B4GALT1: variants seen among roughly 807,000 people sequenced by gnomAD.
B4GALT1 encodes N-acetyllactosamine synthase.
A neutral mutation model predicts 34.9 loss-of-function variants in B4GALT1; 16 were observed. That is an observed-to-expected ratio of 0.46 (90% CI 0.31 to 0.70). B4GALT1 has a LOEUF of 0.70. Ranked by LOEUF, B4GALT1 falls within the 30% of genes least tolerant of loss-of-function variation. B4GALT1 has a pLI of 0.05. For synonymous variants in B4GALT1, 221 were observed against 218.1 expected (o/e 1.01, Z -0.12); for missense variants, 445 against 530.5 (o/e 0.84, Z 1.58).
chr9:33,178,836 T>G, the B4GALT1 span: 1 of 152,258 alleles, frequency 6.6e-6, no homozygotes, highest in East Asian at 1.9e-4. Context: ...TAATGCTGCT[T>G]AGCAAATAAC....
rs774489888 is a variant in B4GALT1, at chr9:33,135,359, T to C, written c.478A>G (p.Asn160Asp). 1.1e-5 allele frequency: 18 copies of C among 1,614,140 alleles called. No individual in the cohort carries two copies. In the East Asian group the frequency reaches 3.3e-4, roughly 30 times the overall value. ...DLELVAKQNP[N>D]VKMGGRYAPR... The stretch of plus-strand genomic sequence containing the variant: ...GCATAGCGGCCGCCCATCTTCACAT[T>C]TGGGTTCTGCTTTGCCACGAGCTCC... Residue 160 changes from asparagine (N) to aspartate (D), a missense_variant, in exon 2 of 6, where the codon AAT becomes GAT. Transcript: ENST00000379731.
intron 2 of B4GALT1, among the ~76,000 whole-genome samples, chr9:33,129,946 C>T (rs998264646): frequency 3.9e-5 from 6 of 152,082 alleles, no homozygotes; most frequent in Non-Finnish European, 8.8e-5. Flanking sequence ...TAAGCTTGGG[C>T]CTTCCGACCA....
chr9:33,184,003 C>T, the B4GALT1 span, among the ~76,000 whole-genome samples: 417 of 151,970 alleles, frequency 2.7e-3, 4 homozygotes, highest in Non-Finnish European at 2.3e-3. Context: ...GAACATCACA[C>T]GCTGGGGCCT....
chr9:33,173,628 G>GTGTGTGTGTA, the B4GALT1 span, among the ~76,000 whole-genome samples: 3 of 150,538 alleles, frequency 2.0e-5, no homozygotes, highest in Non-Finnish European at 3.0e-5. Context: ...GTGTGTGTGT[G>GTGTGTGTGTA]TGTATTGTCT....
At position 33,135,196 on chromosome 9, in the gene B4GALT1, A is replaced by G; in HGVS notation, c.641T>C (p.Ile214Thr). 1.2e-6 allele frequency: 2 copies of G among 1,613,886 alleles called. No homozygotes were observed. Among genetic ancestry groups the G allele is most frequent in the Non-Finnish European group, 1.7e-6 (2 of 1,179,900 alleles). Residue 214 changes from isoleucine to threonine, a missense_variant, in exon 2 of 6, where the codon ATC (isoleucine) becomes ACC (threonine). Physicochemically the swap from Ile to Thr is moderately conservative, Grantham distance 89. Around this residue, in one of 3 missense-constraint regions of B4GALT1, gnomAD observed 349 missense variants for 395.5 expected, o/e 0.88. Coordinates refer to ENST00000379731, the MANE Select transcript of B4GALT1 (RefSeq NM_001497.4). ...CACCTTCCCAGGCCTCACCTGGTTG[A>G]TAACATAGATGCCATAGTCCAGCTG... The part of the protein sequence containing the change: ...RQQLDYGIYV[I>T]NQAGDTIFNR...
At chr9:33,155,493 C>A (rs1564052599) in intron 1 of B4GALT1, among the ~76,000 whole-genome samples, 1 of 152,162 alleles carries the variant, frequency 6.6e-6, no homozygotes, top group Non-Finnish European at 1.5e-5. Context: ...GGCCTCTTGC[C>A]CAGGATACTG....
intron 1 of B4GALT1, among the ~76,000 whole-genome samples, chr9:33,143,445 G>A (rs1336888914): frequency 1.3e-5 from 2 of 152,226 alleles, no homozygotes; most frequent in African/African-American, 4.8e-5. Flanking sequence ...AACCTTCAAA[G>A]GCCAAGCACT....
At chr9:33,133,864 G>A (rs1840228942) in intron 2 of B4GALT1, among the ~76,000 whole-genome samples, 2 of 152,272 alleles carry the variant, frequency 1.3e-5, no homozygotes, top group South Asian at 4.1e-4. Flanking sequence ...CAATTTCCAG[G>A]AACATGCAAG....
chr9:33,181,288 G>A, the B4GALT1 span, among the ~76,000 whole-genome samples: 1 of 152,038 alleles, frequency 6.6e-6, no homozygotes, highest in East Asian at 1.9e-4. Context: ...AGGCGTGGTG[G>A]TGGTATGTGT....
the B4GALT1 span, among the ~76,000 whole-genome samples, chr9:33,178,666 C>T: frequency 6.6e-6 from 1 of 152,198 alleles, no homozygotes; most frequent in African/African-American, 2.4e-5. Context: ...ATACCCAAGA[C>T]AGGATATGTC....
At chr9:33,162,143 T>C (rs1840684586) in intron 1 of B4GALT1, among the ~76,000 whole-genome samples, 1 of 152,236 alleles carries the variant, frequency 6.6e-6, no homozygotes, top group Non-Finnish European at 1.5e-5. Flanking sequence ...ATAATCATTA[T>C]AAAGCAGCAA....
In B4GALT1 at chr9:33,167,281, G is replaced by T. The variant is rs886063876; in HGVS notation, c.-112C>A. ...CGGCGACTAGGGGAGGGCCCGGAGC[G>T]GGGGCGGGCGAGCGGCTGAGAGCTG... On this transcript the variant is annotated 5_prime_UTR_variant, in exon 1 of 6. Coordinates refer to ENST00000379731, the MANE Select transcript of B4GALT1 (RefSeq NM_001497.4). 4.4e-4 allele frequency: 584 copies of T among 1,339,110 alleles called. No individual in the cohort carries two copies. Among genetic ancestry groups the T allele is most frequent in the African/African-American group, 1.0e-3 (66 of 64,102 alleles). 83.0% of individuals were successfully genotyped at this position (1,339,110 alleles called of 1,614,324 possible). A position where few individuals can be genotyped will look rare whatever the true frequency, so the allele number is the denominator to read the frequency against.
chr9:33,147,358 C>G (rs1260516330), intron 1 of B4GALT1, among the ~76,000 whole-genome samples: 1 of 151,940 alleles, frequency 6.6e-6, no homozygotes, highest in Non-Finnish European at 1.5e-5. Context: ...AGTGATTCTC[C>G]CGCCTCAGCC....
At chr9:33,176,416 C>T in the B4GALT1 span, among the ~76,000 whole-genome samples, 1 of 152,098 alleles carries the variant, frequency 6.6e-6, no homozygotes, top group Non-Finnish European at 1.5e-5. Context: ...CTGTGAATTA[C>T]AGTGCTGTGA....
downstream of B4GALT1, among the ~76,000 whole-genome samples, chr9:33,106,168 A>G (rs930526539): frequency 3.9e-5 from 6 of 152,164 alleles, no homozygotes; most frequent in African/African-American, 1.4e-4. Flanking sequence ...ATCTTTGCCA[A>G]CACTTATTTT....
At chr9:33,178,310 C>T in the B4GALT1 span, among the ~76,000 whole-genome samples, 1 of 152,018 alleles carries the variant, frequency 6.6e-6, no homozygotes, top group African/African-American at 2.4e-5. Flanking sequence ...CTCTTCAGGC[C>T]AAGGCTCAGA....
At chr9:33,173,591 GGT>G in the B4GALT1 span, among the ~76,000 whole-genome samples, 58,547 of 142,858 alleles carry the variant, frequency 0.41, 12,614 homozygotes, top group Middle Eastern at 0.56. Flanking sequence ...AAATAAGAAT[GGT>G]GTGTGTGTGT....
intron 1 of B4GALT1, among the ~76,000 whole-genome samples, chr9:33,161,342 A>G (rs2118311245): frequency 6.6e-6 from 1 of 152,132 alleles, no homozygotes; most frequent in South Asian, 2.1e-4. Flanking sequence ...CCCACCCCCA[A>G]GCCCCACTCT....
At chr9:33,120,134 A>G (rs1280774228) in intron 3 of B4GALT1, among the ~76,000 whole-genome samples, 2 of 150,992 alleles carry the variant, frequency 1.3e-5, no homozygotes, top group Non-Finnish European at 3.0e-5. Flanking sequence ...CGGTGAGCCA[A>G]GATCACGGCA....
Sources: allele counts gnomAD v4.1 joint callset (sites outside exome capture counted in the v4.1 genomes callset), GRCh38; gene constraint gnomAD v4.1.1; regional missense constraint gnomAD v4.1.1; transcripts MANE v1.5; gene names NCBI Gene and HGNC (gene_info 2026-07-23, HGNC 2026-07-21).